ATP10B: variants seen among roughly 807,000 people sequenced by gnomAD.
ATP10B encodes ATPase phospholipid transporting 10B (putative).
In ATP10B, 122 loss-of-function variants were observed where a neutral mutation model predicts 141.2. The observed-to-expected ratio is 0.86, with a 90% CI of 0.75 to 1.00. The LOEUF is 1.00. Ranked by LOEUF, ATP10B falls within the 50% of genes least tolerant of loss-of-function variation. ATP10B has a pLI of 0.00. For missense variants in ATP10B, 1,876 were observed against 1,825.3 expected (o/e 1.03, Z -0.51); for synonymous variants, 685 against 692.0 (o/e 0.99, Z 0.16).
the ATP10B span, among the ~76,000 whole-genome samples, chr5:160,869,181 C>T: frequency 1.3e-5 from 2 of 152,102 alleles, no homozygotes; most frequent in African/African-American, 2.4e-5. Context: ...TACACATAAA[C>T]ATGATCTGGT....
At chr5:160,689,402 A>C (rs1019336231) in intron 3 of ATP10B, among the ~76,000 whole-genome samples, 1 of 152,172 alleles carries the variant, frequency 6.6e-6, no homozygotes, top group Admixed American at 6.5e-5. Context: ...GAAAGAAATA[A>C]AGGTATTCGA....
At position 160,670,669 on chromosome 5, in the gene ATP10B, T is replaced by C; in HGVS notation, c.471-2A>G. On this transcript the variant is annotated splice_acceptor_variant, in intron 6 of 25. Transcript: ENST00000327245. LOFTEE classifies it high-confidence loss of function. ...TTCTGCACATAGGTCTGCTCTTTTC[T>C]TGGGTGAGAGAAAGACAGGGTGTGA... 5 of 1,612,798 alleles carry C rather than the reference T, an allele frequency of 3.1e-6. No individual in the cohort carries two copies. The highest frequency in any genetic ancestry group is 2.2e-5 in the East Asian group (1 of 44,880).
intron 1 of ATP10B, among the ~76,000 whole-genome samples, chr5:160,813,733 C>G (rs181600429): frequency 6.6e-6 from 1 of 152,192 alleles, no homozygotes; most frequent in Non-Finnish European, 1.5e-5. Flanking sequence ...AAGCACCCCC[C>G]AGTAGGGGCA....
chr5:160,654,314 C>T (rs10045624), intron 7 of ATP10B, among the ~76,000 whole-genome samples: 116,225 of 151,780 alleles, frequency 0.77, 45,342 homozygotes, highest in Middle Eastern at 0.85. Flanking sequence ...CCTTGTGAGA[C>T]GGTGTAATGT....
the ATP10B span, among the ~76,000 whole-genome samples, chr5:160,880,275 AAG>A: frequency 6.8e-6 from 1 of 147,492 alleles, no homozygotes; most frequent in South Asian, 2.1e-4. Flanking sequence ...TATAATATAA[AAG>A]AAACTATGAT....
intron 7 of ATP10B, among the ~76,000 whole-genome samples, chr5:160,666,979 G>C (rs977761892): frequency 6.6e-6 from 1 of 152,184 alleles, no homozygotes; most frequent in African/African-American, 2.4e-5. Flanking sequence ...AGCATTTTGG[G>C]AGGCTGAGGC....
At position 160,640,499 on chromosome 5, in the gene ATP10B, A is replaced by G. The variant is rs1419917477; in HGVS notation, c.962T>C (p.Ile321Thr). 2.5e-6 allele frequency: 4 copies of G among 1,614,124 alleles called. No individual in the cohort carries two copies. Among genetic ancestry groups the G allele is most frequent in the South Asian group, 2.2e-5 (2 of 91,076 alleles). Residue 321 changes from isoleucine (I) to threonine (T), a missense_variant, in exon 10 of 26, where the codon ATT becomes ACT. Transcript: ENST00000327245. ...AAGGCACATGAGGATGAGGATCCCA[A>G]TGCAGAAGAAGATGTCTATATTCAT... ...RRMNIDIFFC[I>T]GILILMCLIG...
At chr5:160,730,989 C>T (rs2127793943) in intron 2 of ATP10B, among the ~76,000 whole-genome samples, 1 of 152,294 alleles carries the variant, frequency 6.6e-6, no homozygotes, top group Non-Finnish European at 1.5e-5. Flanking sequence ...TCTGGGTTCT[C>T]TGTAAGACCC....
At chr5:160,826,379 C>T (rs1225670434) in intron 1 of ATP10B, among the ~76,000 whole-genome samples, 1 of 152,156 alleles carries the variant, frequency 6.6e-6, no homozygotes, top group Non-Finnish European at 1.5e-5. Context: ...ATTTCATGGA[C>T]ATTTATCACT....
At chr5:160,640,388 A>C (rs1759747764) in intron 10 of ATP10B, 73 bp downstream of exon 10, 4 of 1,545,450 alleles carry the variant, frequency 2.6e-6, no homozygotes, top group Non-Finnish European at 3.5e-6. Flanking sequence ...CTACTTTATA[A>C]ATGAGGAAGC....
chr5:160,826,974 C>A (rs767676666), intron 1 of ATP10B, among the ~76,000 whole-genome samples: 1 of 152,136 alleles, frequency 6.6e-6, no homozygotes, highest in African/African-American at 2.4e-5. Context: ...GAACACAGAC[C>A]CTTATCAGAA....
Position 160,612,929 on chromosome 5 carries a change from G to A in ATP10B, c.2654-4C>T, listed in dbSNP as rs2127639265. On this transcript the variant is annotated splice_region_variant and splice_polypyrimidine_tract_variant and intron_variant, in intron 17 of 25. Coordinates refer to ENST00000327245, the MANE Select transcript of ATP10B (RefSeq NM_025153.3). Reference sequence around the variant, plus strand: ...CGGTCTTCGATCCCAGTGGCTCCTGGAGTGATGAAAAACAACAGAGTTCAC... The same window carrying A: ...CGGTCTTCGATCCCAGTGGCTCCTGAAGTGATGAAAAACAACAGAGTTCAC... The A allele has an allele frequency of 6.2e-7, 1 of 1,608,822 alleles. No homozygotes were observed. Among genetic ancestry groups the A allele is most frequent in the East Asian group, 2.2e-5 (1 of 44,784 alleles).
At chr5:160,595,595 A>C (rs1323713054) in intron 22 of ATP10B, among the ~76,000 whole-genome samples, 1 of 152,240 alleles carries the variant, frequency 6.6e-6, no homozygotes, top group South Asian at 2.1e-4. Flanking sequence ...AAATCAATGA[A>C]TCCAGGAGCT....
At chr5:160,895,744 C>T in the ATP10B span, among the ~76,000 whole-genome samples, 1 of 152,204 alleles carries the variant, frequency 6.6e-6, no homozygotes, top group Non-Finnish European at 1.5e-5. Context: ...ACAGAATATA[C>T]ATTCTTCTCA....
intron 2 of ATP10B, among the ~76,000 whole-genome samples, chr5:160,763,361 C>G (rs910139403): frequency 6.6e-6 from 1 of 152,066 alleles, no homozygotes; most frequent in African/African-American, 2.4e-5. Flanking sequence ...ATATCAAGTA[C>G]TCTCTCAGAC....
rs191251525 is a variant in ATP10B, at chr5:160,653,414, G to C, written c.676-4158C>G. Reference sequence around the variant, plus strand: ...ATATACATACGTACATACATACATAGGTAGTATATATACATATGTACATAC... The same window carrying C: ...ATATACATACGTACATACATACATACGTAGTATATATACATATGTACATAC... On this transcript the variant is annotated intron_variant, in intron 7 of 25. Transcript: ENST00000327245. Among the ~76,000 whole-genome samples the C allele has an allele frequency of 4.9e-4, 10 of 20,290 alleles. 1 individual carries two copies. Among genetic ancestry groups the C allele is most frequent in the African/African-American group, 2.1e-3 (10 of 4,774 alleles). 13.3% of individuals were successfully genotyped at this position (20,290 alleles called of 152,430 possible). A position where few individuals can be genotyped will look rare whatever the true frequency, so the allele number is the denominator to read the frequency against.
the ATP10B span, among the ~76,000 whole-genome samples, chr5:160,879,945 A>G: frequency 6.6e-6 from 1 of 152,094 alleles, no homozygotes; most frequent in Admixed American, 6.6e-5. Context: ...CTTTGTATAT[A>G]CCAACAATAG....
At chr5:160,854,856 C>T (rs1753958435), upstream of ATP10B, among the ~76,000 whole-genome samples, 1 of 152,098 alleles carries the variant, frequency 6.6e-6, no homozygotes, top group African/African-American at 2.4e-5. Context: ...ATTTAATTCC[C>T]TCAAAAACTT....
chr5:160,927,139 C>A, the ATP10B span, among the ~76,000 whole-genome samples: 1 of 152,122 alleles, frequency 6.6e-6, no homozygotes, highest in African/African-American at 2.4e-5. Flanking sequence ...CATAGAAACA[C>A]CTTGGATCCC....
Sources: gnomAD v4.1 joint callset for allele counts (sites outside exome capture counted in the v4.1 genomes callset) on GRCh38, gnomAD v4.1.1 for gene constraint, MANE v1.5 for transcripts, NCBI Gene and HGNC (gene_info 2026-07-23, HGNC 2026-07-21) for gene names.